The following CTNNAL1 variants were observed in gnomAD, a reference collection of about 807,000 sequenced individuals.
CTNNAL1 encodes the protein alpha-catulin.
In CTNNAL1, 69 loss-of-function variants were observed where a neutral mutation model predicts 93.6. The ratio of observed to expected loss-of-function variants is 0.74; its 90% CI spans 0.61 to 0.90. The LOEUF is 0.90. CTNNAL1 is among the 40% of genes least tolerant of loss of function. The probability of loss-of-function intolerance (pLI) is 0.00; values close to 1 mark genes in which losing one functional copy is unlikely to be tolerated. For missense variants in CTNNAL1, 836 were observed against 862.0 expected (o/e 0.97, Z 0.38); for synonymous variants, 286 against 305.4 (o/e 0.94, Z 0.66).
intron 14 of CTNNAL1, 56 bp downstream of exon 14, chr9:108,952,153 C>G: frequency 6.9e-7 from 1 of 1,449,380 alleles, no homozygotes; most frequent in Non-Finnish European, 9.3e-7. Context: ...GAACTTTTTT[C>G]TTTACACCAG....
chr9:108,989,492 G>C (rs1374603438), intron 4 of CTNNAL1, among the ~76,000 whole-genome samples: 1 of 152,086 alleles, frequency 6.6e-6, no homozygotes, highest in Non-Finnish European at 1.5e-5. Context: ...CCATTATTTA[G>C]CCTGCCACTT....
At chr9:108,967,637 A>C (rs1830996137) in intron 10 of CTNNAL1, among the ~76,000 whole-genome samples, 1 of 152,220 alleles carries the variant, frequency 6.6e-6, no homozygotes. Flanking sequence ...AGGTGGTCAC[A>C]GTATTTTAAG....
At chr9:109,011,627 T>C (rs1827205600) in intron 1 of CTNNAL1, among the ~76,000 whole-genome samples, 1 of 152,234 alleles carries the variant, frequency 6.6e-6, no homozygotes, top group Non-Finnish European at 1.5e-5. Context: ...TTACTGCTTC[T>C]AATCTCTAGA....
chr9:108,959,364 C>CAA (rs36116094), intron 11 of CTNNAL1, among the ~76,000 whole-genome samples: 150 of 55,782 alleles, frequency 2.7e-3, no homozygotes, highest in African/African-American at 5.6e-3. Flanking sequence ...GACTCCATAT[C>CAA]AAAAAAAAAA....
intron 16 of CTNNAL1, 38 bp downstream of exon 16, chr9:108,943,924 A>G: frequency 6.2e-7 from 1 of 1,606,888 alleles, no homozygotes; most frequent in Non-Finnish European, 8.5e-7. Flanking sequence ...GTTATACATA[A>G]TACCACCACC....
chr9:108,987,111 T>C (rs1831633823), intron 4 of CTNNAL1, among the ~76,000 whole-genome samples: 1 of 152,244 alleles, frequency 6.6e-6, no homozygotes, highest in African/African-American at 2.4e-5. Flanking sequence ...CCCATGCCTA[T>C]GTCCTGAACG....
chr9:108,951,297 G>A (rs1383860928), intron 14 of CTNNAL1, among the ~76,000 whole-genome samples: 2 of 151,470 alleles, frequency 1.3e-5, no homozygotes, highest in Non-Finnish European at 2.9e-5. Flanking sequence ...TTACAGGCGT[G>A]AGCCACCATG....
chr9:108,943,759 A>G lies in CTNNAL1; in HGVS notation c.1999T>C (p.Cys667Arg), dbSNP rs776483894. The change falls in exon 17 of 19, where the codon TGC (cysteine) becomes CGC (arginine). Residue 667 changes from cysteine (C) to arginine (R), a missense_variant. Physicochemically the swap from Cys to Arg is radical, Grantham distance 180. Transcript: ENST00000325551. The part of the protein sequence containing the change: ...LLEINKLIPL[C>R]HQLQTVTKTS... Reference sequence around the variant, plus strand: ...TTAGTTACTGTCTGGAGCTGGTGGCATAGAGGAATTAGCTTGTTTATTTCC... The same window carrying G: ...TTAGTTACTGTCTGGAGCTGGTGGCGTAGAGGAATTAGCTTGTTTATTTCC... 2 of 1,613,934 alleles carry G rather than the reference A, an allele frequency of 1.2e-6. No homozygotes were observed. Among genetic ancestry groups the G allele is most frequent in the East Asian group, 4.5e-5 (2 of 44,854 alleles).
At position 108,992,200 on chromosome 9, in the gene CTNNAL1, C is replaced by G. The variant is rs747635043; in HGVS notation, c.519+432G>C. On this transcript the variant is annotated intron_variant, in intron 3 of 18. Transcript: ENST00000325551. Reference sequence around the variant, plus strand: ...ACATTTAAAGCTTTTACCAATAAGCCTTAACAAGTGGATAATGATTCTCTA... The same window carrying G: ...ACATTTAAAGCTTTTACCAATAAGCGTTAACAAGTGGATAATGATTCTCTA... The G allele has an allele frequency of 5.9e-5, 34 of 574,668 alleles. No homozygotes were observed. In the Admixed American group the frequency reaches 1.1e-3, roughly 18 times the overall value. The allele number at this position is 574,668 out of a possible 1,614,324, so 35.6% of individuals were successfully genotyped here. A position where few individuals can be genotyped will look rare whatever the true frequency, so the allele number is the denominator to read the frequency against.
intron 8 of CTNNAL1, among the ~76,000 whole-genome samples, chr9:108,975,381 G>T (rs1024846380): frequency 3.9e-5 from 6 of 151,952 alleles, no homozygotes; most frequent in African/African-American, 1.5e-4. Context: ...AACCACTAAG[G>T]TATCCATGAG....
chr9:109,000,526 T>A (rs1026699495), intron 1 of CTNNAL1, among the ~76,000 whole-genome samples: 1 of 152,094 alleles, frequency 6.6e-6, no homozygotes, highest in African/African-American at 2.4e-5. Context: ...TTAATATAAC[T>A]GTTATGTACA....
Position 108,990,670 on chromosome 9 carries a change from T to C in CTNNAL1, c.639+56A>G, listed in dbSNP as rs745361778. ...AACAATCCTAACGATCATACCTCCA[T>C]CCAAACTAAAAAGTATGTATTTATC... On this transcript the variant is annotated intron_variant, in intron 4 of 18. Transcript: ENST00000325551. 1.6e-4 allele frequency: 256 copies of C among 1,559,630 alleles called. 1 individual carries two copies. Among genetic ancestry groups the C allele is most frequent in the Non-Finnish European group, 2.0e-4 (236 of 1,151,848 alleles).
intron 8 of CTNNAL1, among the ~76,000 whole-genome samples, chr9:108,975,537 G>A (rs1432997915): frequency 6.6e-6 from 1 of 152,154 alleles, no homozygotes; most frequent in East Asian, 1.9e-4. Context: ...GTAACGGAGG[G>A]TGAGGAAAGT....
At chr9:109,009,255 T>C (rs1827137065) in intron 1 of CTNNAL1, among the ~76,000 whole-genome samples, 1 of 152,098 alleles carries the variant, frequency 6.6e-6, no homozygotes, top group East Asian at 1.9e-4. Flanking sequence ...TTTATACTTG[T>C]GGTATACTAA....
At chr9:108,959,131 A>C (rs1228465357) in intron 11 of CTNNAL1, among the ~76,000 whole-genome samples, 1 of 151,130 alleles carries the variant, frequency 6.6e-6, no homozygotes, top group Non-Finnish European at 1.5e-5. Flanking sequence ...AGGCTGAGGC[A>C]GGCAGATTAT....
chr9:108,991,752 T>C, intron 3 of CTNNAL1: 1 of 274,952 alleles, frequency 3.6e-6, no homozygotes, highest in Non-Finnish European at 6.7e-6. Flanking sequence ...CAATTTCTGA[T>C]TCATTCAACA....
At chr9:108,998,150 T>G (rs1832089877) in intron 2 of CTNNAL1, among the ~76,000 whole-genome samples, 1 of 152,210 alleles carries the variant, frequency 6.6e-6, no homozygotes, top group Non-Finnish European at 1.5e-5. Flanking sequence ...GGGCCATTTT[T>G]ACCCCTCACG....
At chr9:108,968,767 T>C (rs1322536529) in intron 10 of CTNNAL1, among the ~76,000 whole-genome samples, 1 of 152,194 alleles carries the variant, frequency 6.6e-6, no homozygotes, top group Non-Finnish European at 1.5e-5. Context: ...CACACCATCG[T>C]TGAGTCTAGG....
intron 9 of CTNNAL1, among the ~76,000 whole-genome samples, chr9:108,972,333 T>G (rs1466940972): frequency 6.6e-6 from 1 of 152,092 alleles, no homozygotes; most frequent in Non-Finnish European, 1.5e-5. Context: ...TTGTCCTAAT[T>G]TGAGTGTGTC....
Sources: gnomAD v4.1 joint callset for allele counts (sites outside exome capture counted in the v4.1 genomes callset) on GRCh38, gnomAD v4.1.1 for gene constraint, MANE v1.5 for transcripts, NCBI Gene and HGNC (gene_info 2026-07-23, HGNC 2026-07-21) for gene names.